Variants in TMEM17 observed in about 807,000 individuals in gnomAD.
TMEM17 encodes the protein transmembrane protein 17.
TMEM17 carries 15 observed loss-of-function variants against 19.1 expected under a neutral mutation model. The ratio of observed to expected loss-of-function variants is 0.78; its 90% CI spans 0.52 to 1.21. The LOEUF (loss-of-function observed/expected upper bound fraction) is 1.21. TMEM17 is among the 50% of genes most tolerant of loss of function. TMEM17 has a pLI of 0.00. For synonymous variants in TMEM17, 103 were observed against 86.9 expected (o/e 1.19, Z -1.03); for missense variants, 245 against 242.3 (o/e 1.01, Z -0.07).
At chr2:62,474,222 C>A in the TMEM17 span, among the ~76,000 whole-genome samples, 1 of 152,158 alleles carries the variant, frequency 6.6e-6, no homozygotes. Flanking sequence ...TTATAAGAGA[C>A]AAAACTTCCA....
rs900931871 is a variant in TMEM17 at position 62,500,436 on chromosome 2, GTTTTATTTTTTATTTAT to G, written c.*756_*772del. 9.2e-5 allele frequency: 14 copies of G among 151,880 alleles called. No individual in the cohort carries two copies. Among genetic ancestry groups the G allele is most frequent in the Non-Finnish European group, 1.9e-4 (13 of 67,934 alleles). 9.4% of individuals were successfully genotyped at this position (151,880 alleles called of 1,614,324 possible). The stretch of plus-strand genomic sequence containing the variant: ...AGCAGACATGAAAATTTGGTCTCTT[GTTTTATTTTTTATTTAT>G]TTATTTTTTTGAGATGGAGTCTTGC... On this transcript the variant is annotated 3_prime_UTR_variant, in exon 4 of 4. Transcript: ENST00000335390.
chr2:62,479,080 C>T, the TMEM17 span, among the ~76,000 whole-genome samples: 1 of 152,202 alleles, frequency 6.6e-6, no homozygotes, highest in Non-Finnish European at 1.5e-5. Flanking sequence ...GGAACATTCA[C>T]TATTCTCCTT....
the TMEM17 span, among the ~76,000 whole-genome samples, chr2:62,471,175 G>C: frequency 3.9e-5 from 6 of 152,176 alleles, no homozygotes; most frequent in Admixed American, 1.3e-4. Context: ...TGCGTGTGGA[G>C]GGTTGGCAGA....
chr2:62,501,117 C>G lies in TMEM17; in HGVS notation c.*92G>C. Reference sequence around the variant, plus strand: ...GTGAGAGCATATACAATTCAAAACACTTGCTTTGTCCCTTTTCTCAGAGCT... The same window carrying G: ...GTGAGAGCATATACAATTCAAAACAGTTGCTTTGTCCCTTTTCTCAGAGCT... On this transcript the variant is annotated 3_prime_UTR_variant, in exon 4 of 4. Transcript: ENST00000335390. 1 of 1,427,126 alleles carries G rather than the reference C, an allele frequency of 7.0e-7. No individual in the cohort carries two copies. The highest frequency in any genetic ancestry group is 9.5e-7 in the Non-Finnish European group (1 of 1,051,544). 88.4% of individuals were successfully genotyped at this position (1,427,126 alleles called of 1,614,324 possible).
the TMEM17 span, among the ~76,000 whole-genome samples, chr2:62,494,089 T>C: frequency 6.6e-6 from 1 of 152,240 alleles, no homozygotes; most frequent in African/African-American, 2.4e-5. Context: ...CTTAAATTTG[T>C]CTCCTCTGCT....
the TMEM17 span, among the ~76,000 whole-genome samples, chr2:62,471,769 G>C: frequency 6.6e-6 from 1 of 152,246 alleles, no homozygotes; most frequent in Non-Finnish European, 1.5e-5. Context: ...AGCCAGGGTA[G>C]AAACATGGCA....
the TMEM17 span, among the ~76,000 whole-genome samples, chr2:62,473,592 T>C: frequency 2.0e-5 from 3 of 152,162 alleles, no homozygotes; most frequent in South Asian, 2.1e-4. Context: ...CAGCAGAGGA[T>C]TGCAGCTTCC....
chr2:62,481,699 GT>G, the TMEM17 span, among the ~76,000 whole-genome samples: 1 of 3,612 alleles, frequency 2.8e-4, no homozygotes, highest in African/African-American at 7.9e-4. Flanking sequence ...CCCCTTAAAG[GT>G]GTGTGTGTGT....
the TMEM17 span, among the ~76,000 whole-genome samples, chr2:62,460,431 C>G: frequency 0.27 from 41,087 of 152,026 alleles, 6,395 homozygotes; most frequent in East Asian, 0.38. Flanking sequence ...GGTGCTCCCA[C>G]GTTTTTGTCA....
chr2:62,505,939 C>T, intron 1 of TMEM17, 91 bp downstream of exon 1: 6 of 1,224,208 alleles, frequency 4.9e-6, no homozygotes, highest in Non-Finnish European at 7.0e-6. Context: ...GCGACATCGC[C>T]ATTTTAGGTA....
the TMEM17 span, among the ~76,000 whole-genome samples, chr2:62,482,771 C>A: frequency 1.3e-4 from 20 of 152,178 alleles, no homozygotes; most frequent in African/African-American, 4.6e-4. Flanking sequence ...AAAGAAAGAT[C>A]ATTTGGGACC....
the TMEM17 span, among the ~76,000 whole-genome samples, chr2:62,467,512 G>T: frequency 3.3e-5 from 5 of 152,326 alleles, no homozygotes; most frequent in Middle Eastern, 3.4e-3. Context: ...CAGGAGCCAA[G>T]GCCTCATAGA....
chr2:62,483,876 C>T, the TMEM17 span, among the ~76,000 whole-genome samples: 2 of 152,148 alleles, frequency 1.3e-5, no homozygotes, highest in Non-Finnish European at 2.9e-5. Flanking sequence ...ACTGGGATTA[C>T]AGGTGTGAGC....
chr2:62,491,061 A>G, the TMEM17 span: 1 of 130,510 alleles, frequency 7.7e-6, no homozygotes, highest in South Asian at 2.9e-4. Context: ...CCTGGGCAAC[A>G]GAGCCAGACT....
At chr2:62,490,594 T>C in the TMEM17 span, among the ~76,000 whole-genome samples, 1 of 152,338 alleles carries the variant, frequency 6.6e-6, no homozygotes, top group East Asian at 1.9e-4. Flanking sequence ...TACTGAAGTA[T>C]AAATATGGTA....
the TMEM17 span, among the ~76,000 whole-genome samples, chr2:62,477,076 A>T: frequency 6.6e-6 from 1 of 152,124 alleles, no homozygotes; most frequent in Non-Finnish European, 1.5e-5. Flanking sequence ...GCCATTGCCG[A>T]GCAACTGCAG....
At chr2:62,498,846 T>G (rs192227479), downstream of TMEM17, among the ~76,000 whole-genome samples, 16 of 152,234 alleles carry the variant, frequency 1.1e-4, no homozygotes, top group African/African-American at 3.8e-4. Context: ...TGTAAATCCT[T>G]AGAAGGATAT....
the TMEM17 span, among the ~76,000 whole-genome samples, chr2:62,484,308 C>T: frequency 6.6e-6 from 1 of 152,122 alleles, no homozygotes; most frequent in African/African-American, 2.4e-5. Flanking sequence ...ATATGAGCCT[C>T]CTGTCATTTT....
the TMEM17 span, among the ~76,000 whole-genome samples, chr2:62,458,422 G>A: frequency 5.6e-4 from 85 of 152,280 alleles, no homozygotes; most frequent in African/African-American, 1.5e-3. Context: ...GTAAGTGCAC[G>A]CCCTCAGTTA....
Sources: gnomAD v4.1 joint callset for allele counts (sites outside exome capture counted in the v4.1 genomes callset) on GRCh38, gnomAD v4.1.1 for gene constraint, MANE v1.5 for transcripts, NCBI Gene and HGNC (gene_info 2026-07-23, HGNC 2026-07-21) for gene names.